Variants in TMTC1 observed in about 807,000 individuals in gnomAD.
TMTC1 encodes the protein protein O-mannosyl-transferase TMTC1.
A neutral mutation model predicts 104.8 loss-of-function variants in TMTC1; 73 were observed. The observed-to-expected ratio is 0.70, with a 90% CI of 0.58 to 0.85. The LOEUF (loss-of-function observed/expected upper bound fraction) is 0.85, where lower values mean the gene tolerates loss of function less well. Ranked by LOEUF, TMTC1 falls within the 40% of genes least tolerant of loss-of-function variation. TMTC1 has a pLI of 0.00. For synonymous variants in TMTC1, 434 were observed against 428.7 expected, an observed-to-expected ratio of 1.01 and a Z score of -0.15; for missense variants, 1,035 against 1,096.1, an observed-to-expected ratio of 0.94 and a Z score of 0.79.
At chr12:29,560,466 G>T (rs557995869) in intron 9 of TMTC1, among the ~76,000 whole-genome samples, 1 of 152,030 alleles carries the variant, frequency 6.6e-6, no homozygotes, top group Non-Finnish European at 1.5e-5. Flanking sequence ...CATTAAAAAA[G>T]AAATGTATGG....
At chr12:29,617,813 G>A (rs1262355165) in intron 6 of TMTC1, among the ~76,000 whole-genome samples, 2 of 152,164 alleles carry the variant, frequency 1.3e-5, no homozygotes, top group Non-Finnish European at 2.9e-5. Context: ...TAATGGAGTG[G>A]GGGTTGGATG....
At chr12:29,595,671 C>G (rs765563571) in intron 7 of TMTC1, among the ~76,000 whole-genome samples, 20 of 152,206 alleles carry the variant, frequency 1.3e-4, no homozygotes, top group Non-Finnish European at 2.1e-4. Context: ...CAGGAGGGCA[C>G]AGCGAGAGCA....
At chr12:29,546,380 C>T (rs751951393) in intron 10 of TMTC1, among the ~76,000 whole-genome samples, 3 of 152,160 alleles carry the variant, frequency 2.0e-5, no homozygotes, top group Non-Finnish European at 4.4e-5. Flanking sequence ...ACTAAGGGAA[C>T]TGGGCCCTAT....
At chr12:29,606,981 C>A (rs572445913) in intron 6 of TMTC1, among the ~76,000 whole-genome samples, 13 of 148,814 alleles carry the variant, frequency 8.7e-5, no homozygotes, top group African/African-American at 2.2e-4. Flanking sequence ...CTGCCCCCCC[C>A]CCTCACTCAC....
At chr12:29,617,753 A>G (rs115567899) in intron 6 of TMTC1, among the ~76,000 whole-genome samples, 2,127 of 152,288 alleles carry the variant, frequency 0.014, 43 homozygotes, top group African/African-American at 0.049. Context: ...GAGGAGATGA[A>G]CAATACTTAT....
chr12:29,677,094 G>T (rs1189180071), intron 5 of TMTC1, among the ~76,000 whole-genome samples: 1 of 152,186 alleles, frequency 6.6e-6, no homozygotes, highest in Non-Finnish European at 1.5e-5. Context: ...AAGCCATTAG[G>T]ATTTTCAGTT....
At chr12:29,708,236 C>T (rs1941804836) in intron 5 of TMTC1, among the ~76,000 whole-genome samples, 2 of 152,308 alleles carry the variant, frequency 1.3e-5, no homozygotes, top group East Asian at 1.9e-4. Context: ...CTCTGATTCA[C>T]TTTGCTTTAC....
In TMTC1 at chr12:29,502,545, G is replaced by T. The variant is rs138396720; in HGVS notation, c.*4301C>A. The T allele has an allele frequency of 2.0e-5, 3 of 152,032 alleles. No individual in the cohort carries two copies. Among genetic ancestry groups the T allele is most frequent in the African/African-American group, 7.2e-5 (3 of 41,380 alleles). The allele number at this position is 152,032 out of a possible 1,614,324, so 9.4% of individuals were successfully genotyped here. A position where few individuals can be genotyped will look rare whatever the true frequency, so the allele number is the denominator to read the frequency against. The stretch of plus-strand genomic sequence containing the variant: ...AGGCAATTCCTCTCCATCTGAGAAC[G>T]AGGAATTGTGTCATTTTAAGGCCAA... On this transcript the variant is annotated 3_prime_UTR_variant, in exon 18 of 18. Transcript: ENST00000539277.
chr12:29,682,428 A>C (rs1940950370), intron 5 of TMTC1, among the ~76,000 whole-genome samples: 1 of 152,222 alleles, frequency 6.6e-6, no homozygotes, highest in Non-Finnish European at 1.5e-5. Flanking sequence ...AAACCTGTAC[A>C]TGAATGCTCA....
At position 29,649,147 on chromosome 12, in the gene TMTC1, C is replaced by T. The variant is rs141505998; in HGVS notation, c.939-15811G>A. On this transcript the variant is annotated intron_variant, in intron 5 of 17. Transcript: ENST00000539277. Reference sequence around the variant, plus strand: ...ACTCTCAAAATTCCCAACTACTATCCTGACTTGTTATTGTTGTCCATCAGT... The same window carrying T: ...ACTCTCAAAATTCCCAACTACTATCTTGACTTGTTATTGTTGTCCATCAGT... 5.4e-3 allele frequency among the ~76,000 whole-genome samples: 827 copies of T among 152,278 alleles called. 7 individuals are homozygous for T. The highest frequency in any genetic ancestry group is 0.019 in the African/African-American group (775 of 41,560).
At chr12:29,662,679 A>T (rs1278699147) in intron 5 of TMTC1, among the ~76,000 whole-genome samples, 1 of 151,830 alleles carries the variant, frequency 6.6e-6, no homozygotes, top group Non-Finnish European at 1.5e-5. Context: ...AAAAAAAAAA[A>T]AAAAAAAAGA....
intron 11 of TMTC1, among the ~76,000 whole-genome samples, chr12:29,522,914 A>G (rs1220906579): frequency 6.6e-6 from 1 of 152,230 alleles, no homozygotes; most frequent in Non-Finnish European, 1.5e-5. Flanking sequence ...AACAATGCTC[A>G]GCACATGGTC....
At chr12:29,562,095 T>G (rs1224520557) in intron 9 of TMTC1, among the ~76,000 whole-genome samples, 7 of 152,246 alleles carry the variant, frequency 4.6e-5, no homozygotes, top group Admixed American at 4.6e-4. Context: ...TTATGAAATT[T>G]AAGTCCTCAT....
intron 10 of TMTC1, among the ~76,000 whole-genome samples, chr12:29,551,473 T>C (rs373399002): frequency 6.6e-6 from 1 of 152,218 alleles, no homozygotes; most frequent in East Asian, 1.9e-4. Context: ...AGTTCAATTA[T>C]TGGACATTCC....
At chr12:29,655,422 C>A (rs1939712025) in intron 5 of TMTC1, among the ~76,000 whole-genome samples, 1 of 152,032 alleles carries the variant, frequency 6.6e-6, no homozygotes, top group African/African-American at 2.4e-5. Context: ...TTTATTTTTT[C>A]CACTAGAGAG....
intron 5 of TMTC1, among the ~76,000 whole-genome samples, chr12:29,729,411 C>T (rs1942488037): frequency 1.3e-5 from 2 of 152,030 alleles, no homozygotes; most frequent in Admixed American, 1.3e-4. Flanking sequence ...AACTTCCCTA[C>T]CTTCTGCTTT....
Position 29,758,550 on chromosome 12 carries a change from C to G in TMTC1, c.554+154G>C, listed in dbSNP as rs199943901. Among the ~76,000 whole-genome samples the G allele has an allele frequency of 3.1e-4, 47 of 151,732 alleles. No individual in the cohort carries two copies. The East Asian group carries it at 8.3e-3, about 27-fold the overall frequency. ...GGGGTTGGAAGAGAAAACGGCCCAG[C>G]ACTGGACAAGCAGAGAGTTTCCTAT... On this transcript the variant is annotated intron_variant, in intron 3 of 17. Coordinates refer to ENST00000539277, the MANE Select transcript of TMTC1 (RefSeq NM_001193451.2).
chr12:29,676,087 A>C (rs1271199984), intron 5 of TMTC1, among the ~76,000 whole-genome samples: 1 of 152,264 alleles, frequency 6.6e-6, no homozygotes, highest in Non-Finnish European at 1.5e-5. Context: ...TAAAGGATGG[A>C]CACAATAGTG....
intron 6 of TMTC1, among the ~76,000 whole-genome samples, chr12:29,629,519 G>A (rs938068088): frequency 2.0e-5 from 3 of 152,174 alleles, no homozygotes; most frequent in Non-Finnish European, 4.4e-5. Context: ...TGTCACAGGT[G>A]TGTCCTTCAC....
Sources: allele counts gnomAD v4.1 joint callset (sites outside exome capture counted in the v4.1 genomes callset), GRCh38; gene constraint gnomAD v4.1.1; transcripts MANE v1.5; gene names NCBI Gene and HGNC (gene_info 2026-07-23, HGNC 2026-07-21).